The following NTNG1 variants were observed in gnomAD, a reference collection of about 807,000 sequenced individuals.
The protein encoded by NTNG1 is netrin-G1.
Under a neutral mutation model 54.0 loss-of-function variants are expected in NTNG1, and 16 were observed. The ratio of observed to expected loss-of-function variants is 0.30; its 90% CI spans 0.20 to 0.45. The LOEUF is 0.45. Ranked by LOEUF, NTNG1 falls within the 20% of genes least tolerant of loss-of-function variation. The pLI is 1.00. For missense variants in NTNG1, 530 were observed against 678.7 expected (o/e 0.78, Z 2.43); for synonymous variants, 255 against 263.1 (o/e 0.97, Z 0.30).
chr1:107,176,842 C>G lies in NTNG1; in HGVS notation c.246+28003C>G, dbSNP rs150177290. Among the ~76,000 whole-genome samples, 51 of 152,212 alleles carry G rather than the reference C, an allele frequency of 3.4e-4. No individual in the cohort carries two copies. In the East Asian group the frequency reaches 6.2e-3, roughly 18 times the overall value. On this transcript the variant is annotated intron_variant, in intron 2 of 7. Coordinates refer to ENST00000370068, the MANE Select transcript of NTNG1 (RefSeq NM_001113226.3). Reference sequence around the variant, plus strand: ...TCTCATATAAACAAATATACGTAGTCTAAAGCAAGGTTTCTCACACTTGGC... The same window carrying G: ...TCTCATATAAACAAATATACGTAGTGTAAAGCAAGGTTTCTCACACTTGGC...
intron 4 of NTNG1, among the ~76,000 whole-genome samples, chr1:107,405,636 C>T (rs1310395828): frequency 6.6e-6 from 1 of 152,092 alleles, no homozygotes; most frequent in African/African-American, 2.4e-5. Context: ...GTGCCAAACA[C>T]CCTGAGATCT....
chr1:107,240,987 G>T (rs922889330), intron 2 of NTNG1, among the ~76,000 whole-genome samples: 3 of 151,278 alleles, frequency 2.0e-5, no homozygotes, highest in Admixed American at 1.3e-4. Context: ...ATTTTTTTTT[G>T]AAGTACTAAT....
intron 3 of NTNG1, among the ~76,000 whole-genome samples, chr1:107,389,598 G>C (rs1324588214): frequency 6.6e-6 from 1 of 152,182 alleles, no homozygotes; most frequent in Non-Finnish European, 1.5e-5. Context: ...TGTTCGTAAA[G>C]TTTGCATCAC....
At chr1:107,161,382 C>T (rs537914749) in intron 2 of NTNG1, among the ~76,000 whole-genome samples, 3 of 152,030 alleles carry the variant, frequency 2.0e-5, no homozygotes, top group East Asian at 1.9e-4. Context: ...ACTTATAGGC[C>T]GGGTGTGGTG....
At chr1:107,339,547 T>C (rs944526283) in intron 3 of NTNG1, among the ~76,000 whole-genome samples, 2 of 152,098 alleles carry the variant, frequency 1.3e-5, no homozygotes, top group Admixed American at 1.3e-4. Context: ...GTTAATACCA[T>C]GCAGACATTT....
intron 3 of NTNG1, among the ~76,000 whole-genome samples, chr1:107,370,123 T>A (rs1397813439): frequency 6.6e-6 from 1 of 151,984 alleles, no homozygotes; most frequent in Non-Finnish European, 1.5e-5. Context: ...TGTAGCTTTA[T>A]AAGTCTTGAA....
intron 2 of NTNG1, among the ~76,000 whole-genome samples, chr1:107,260,439 A>G (rs1047222656): frequency 6.6e-6 from 1 of 152,150 alleles, no homozygotes; most frequent in African/African-American, 2.4e-5. Context: ...CAGAGGGTCT[A>G]CCCTGCCACC....
chr1:107,308,593 C>A (rs1281542216), intron 2 of NTNG1, among the ~76,000 whole-genome samples: 1 of 152,078 alleles, frequency 6.6e-6, no homozygotes, highest in East Asian at 1.9e-4. Context: ...TGTGATGCCT[C>A]CAGATTCGTT....
intron 3 of NTNG1, among the ~76,000 whole-genome samples, chr1:107,379,679 A>G (rs753786024): frequency 2.0e-5 from 3 of 152,210 alleles, no homozygotes; most frequent in East Asian, 1.9e-4. Flanking sequence ...AGCAAGCACT[A>G]TGTGTCAGGT....
intron 6 of NTNG1, among the ~76,000 whole-genome samples, chr1:107,435,006 A>G (rs1675509028): frequency 6.6e-6 from 1 of 152,158 alleles, no homozygotes; most frequent in Admixed American, 6.5e-5. Context: ...TAAATGTTTT[A>G]CTGTTTTGTT....
intron 2 of NTNG1, among the ~76,000 whole-genome samples, chr1:107,164,884 A>G (rs1557773437): frequency 6.6e-6 from 1 of 152,208 alleles, no homozygotes; most frequent in Non-Finnish European, 1.5e-5. Context: ...TGGCGAGAGC[A>G]TACCTAGACA....
chr1:107,443,897 A>G (rs541566878), intron 7 of NTNG1, among the ~76,000 whole-genome samples: 1 of 152,250 alleles, frequency 6.6e-6, no homozygotes, highest in South Asian at 2.1e-4. Context: ...AAAAATAAAT[A>G]GAGAGAGGCA....
At chr1:107,182,123 C>T (rs1305359661) in intron 2 of NTNG1, among the ~76,000 whole-genome samples, 2 of 152,038 alleles carry the variant, frequency 1.3e-5, no homozygotes, top group South Asian at 4.1e-4. Context: ...GTATTTGAAG[C>T]TTTAACATTT....
intron 3 of NTNG1, among the ~76,000 whole-genome samples, chr1:107,352,419 G>A (rs1451328899): frequency 6.6e-6 from 1 of 151,972 alleles, no homozygotes; most frequent in Non-Finnish European, 1.5e-5. Flanking sequence ...TATGGTCTCT[G>A]GAAGACAATG....
chr1:107,348,062 C>G (rs1363392249), intron 3 of NTNG1, among the ~76,000 whole-genome samples: 3 of 151,980 alleles, frequency 2.0e-5, no homozygotes, highest in South Asian at 2.1e-4. Context: ...TGCCTATCTT[C>G]TCTGTCCCCA....
chr1:107,318,466 A>C (rs918087170), intron 2 of NTNG1, among the ~76,000 whole-genome samples: 1 of 118,976 alleles, frequency 8.4e-6, no homozygotes. Context: ...CTCAACAAGG[A>C]AAGAAAAAAA....
intron 7 of NTNG1, among the ~76,000 whole-genome samples, chr1:107,445,141 A>G (rs1676231957): frequency 2.0e-5 from 3 of 152,134 alleles, no homozygotes; most frequent in Admixed American, 2.0e-4. Context: ...CAGATAGACT[A>G]TGATGAGAGG....
chr1:107,260,614 G>T (rs1442966425), intron 2 of NTNG1, among the ~76,000 whole-genome samples: 1 of 152,160 alleles, frequency 6.6e-6, no homozygotes. Flanking sequence ...TACAAACCAT[G>T]TGTTTCAAGA....
At chr1:107,293,508 T>C (rs1665752627) in intron 2 of NTNG1, among the ~76,000 whole-genome samples, 2 of 152,202 alleles carry the variant, frequency 1.3e-5, no homozygotes, top group African/African-American at 2.4e-5. Flanking sequence ...TATGTGCCTA[T>C]TAAAAATGTT....
Sources: gnomAD v4.1 joint callset for allele counts (sites outside exome capture counted in the v4.1 genomes callset) on GRCh38, gnomAD v4.1.1 for gene constraint, MANE v1.5 for transcripts, NCBI Gene and HGNC (gene_info 2026-07-23, HGNC 2026-07-21) for gene names.